The following STAG1 variants were observed in gnomAD, a reference collection of about 807,000 sequenced individuals.
STAG1 encodes cohesin subunit SA-1.
A neutral mutation model predicts 170.9 loss-of-function variants in STAG1; 26 were observed. The ratio of observed to expected loss-of-function variants is 0.15; its 90% confidence interval spans 0.11 to 0.21. The LOEUF is 0.21. STAG1 is among the 10% of genes least tolerant of loss of function. The probability of loss-of-function intolerance (pLI) is 1.00; values close to 1 mark genes in which losing one functional copy is unlikely to be tolerated. For missense variants in STAG1, 964 were observed against 1,509.5 expected (o/e 0.64, Z 5.99); for synonymous variants, 514 against 497.7 (o/e 1.03, Z -0.44).
chr3:136,642,838 T>C (rs1482069342), intron 1 of STAG1, among the ~76,000 whole-genome samples: 3 of 152,120 alleles, frequency 2.0e-5, no homozygotes, highest in African/African-American at 7.2e-5. Flanking sequence ...TAGGGGAGGA[T>C]CCTCCCTGGA....
At chr3:136,465,864 A>G (rs1010838926) in intron 12 of STAG1, among the ~76,000 whole-genome samples, 19 of 152,134 alleles carry the variant, frequency 1.2e-4, no homozygotes, top group African/African-American at 3.6e-4. Context: ...ATTAAACCCT[A>G]TAAGACCTAA....
chr3:136,591,779 G>A (rs777536678), intron 4 of STAG1, among the ~76,000 whole-genome samples: 80 of 152,272 alleles, frequency 5.3e-4, no homozygotes, highest in Non-Finnish European at 9.4e-4. Flanking sequence ...GAAAAGCACT[G>A]TTCCTCACAT....
intron 1 of STAG1, among the ~76,000 whole-genome samples, chr3:136,655,125 A>C (rs957985800): frequency 6.6e-6 from 1 of 152,208 alleles, no homozygotes; most frequent in Non-Finnish European, 1.5e-5. Context: ...CAAAAGAAAA[A>C]CAGGCAAACT....
intron 1 of STAG1, among the ~76,000 whole-genome samples, chr3:136,634,912 T>C (rs1290128636): frequency 2.0e-5 from 3 of 152,202 alleles, no homozygotes; most frequent in Non-Finnish European, 2.9e-5. Context: ...GACAAATTCC[T>C]AGAAATGCAC....
Position 136,650,236 on chromosome 3 carries a change from G to GAA in STAG1, c.-83-19257_-83-19256dup, listed in dbSNP as rs574918766. Among the ~76,000 whole-genome samples the GAA allele has an allele frequency of 3.8e-4, 23 of 60,018 alleles. No individual in the cohort carries two copies. In the South Asian group the frequency reaches 8.1e-3, roughly 21 times the overall value. 39.4% of individuals were successfully genotyped at this position (60,018 alleles called of 152,430 possible). On this transcript the variant is annotated intron_variant, in intron 1 of 33. Coordinates refer to ENST00000383202, the MANE Select transcript of STAG1 (RefSeq NM_005862.3). ...GGGTGACAAAGTGAGACCCTGTCAA[G>GAA]AAAAAAAAAAAAAAGAGAGAGAGAC...
intron 1 of STAG1, among the ~76,000 whole-genome samples, chr3:136,725,081 A>G (rs1933583282): frequency 6.6e-6 from 1 of 152,244 alleles, no homozygotes; most frequent in Non-Finnish European, 1.5e-5. Context: ...TTAAAGTATT[A>G]TAATTGCAAA....
chr3:136,688,774 A>G (rs1942624141), intron 1 of STAG1, among the ~76,000 whole-genome samples: 1 of 152,236 alleles, frequency 6.6e-6, no homozygotes, highest in African/African-American at 2.4e-5. Context: ...TGACTAAAAA[A>G]GCAGAGTGAC....
intron 7 of STAG1, chr3:136,517,974 G>C (rs957159750): frequency 1.3e-5 from 2 of 156,184 alleles, no homozygotes; most frequent in African/African-American, 2.4e-5. Flanking sequence ...TCTAAAAAGA[G>C]AGTTTACCTC....
chr3:136,344,232 G>A (rs1283353570), intron 29 of STAG1, among the ~76,000 whole-genome samples: 1 of 152,152 alleles, frequency 6.6e-6, no homozygotes, highest in Admixed American at 6.5e-5. Flanking sequence ...AAGTTGTAGG[G>A]ACTAAATGAG....
chr3:136,464,017 G>A (rs1190276956), intron 13 of STAG1, among the ~76,000 whole-genome samples: 1 of 150,774 alleles, frequency 6.6e-6, no homozygotes, highest in Non-Finnish European at 1.5e-5. Context: ...ATGTTTACAT[G>A]CATACACTCT....
At chr3:136,370,836 T>C (rs1937294224) in intron 23 of STAG1, among the ~76,000 whole-genome samples, 1 of 152,218 alleles carries the variant, frequency 6.6e-6, no homozygotes, top group Non-Finnish European at 1.5e-5. Flanking sequence ...TGCGTGTGTC[T>C]TTATAGCAGC....
At chr3:136,474,548 T>C (rs944612143) in intron 10 of STAG1, among the ~76,000 whole-genome samples, 1 of 152,218 alleles carries the variant, frequency 6.6e-6, no homozygotes, top group East Asian at 1.9e-4. Flanking sequence ...TTAATGTAAA[T>C]AGTGCCTTCA....
chr3:136,724,435 T>C (rs1423258762), intron 1 of STAG1, among the ~76,000 whole-genome samples: 1 of 151,428 alleles, frequency 6.6e-6, no homozygotes, highest in Non-Finnish European at 1.5e-5. Flanking sequence ...CACCACTCCC[T>C]AATCTCAAGT....
chr3:136,732,500 A>C (rs1934098443), intron 1 of STAG1, among the ~76,000 whole-genome samples: 1 of 152,176 alleles, frequency 6.6e-6, no homozygotes, highest in African/African-American at 2.4e-5. Flanking sequence ...TTTCTGAAGA[A>C]AGAAAAGGAG....
intron 22 of STAG1, among the ~76,000 whole-genome samples, chr3:136,395,682 C>T (rs1009902329): frequency 2.6e-5 from 4 of 152,104 alleles, no homozygotes; most frequent in Admixed American, 6.5e-5. Flanking sequence ...AATTAACTAT[C>T]AATTATGCTG....
rs1199782149 is a variant in STAG1, at chr3:136,446,669, C to G, written c.1429-3265G>C. Among the ~76,000 whole-genome samples, 6 of 152,014 alleles carry G rather than the reference C, an allele frequency of 3.9e-5. No homozygotes were observed. The South Asian group carries it at 1.2e-3, about 31-fold the overall frequency. On this transcript the variant is annotated intron_variant, in intron 14 of 33. Transcript: ENST00000383202. The stretch of plus-strand genomic sequence containing the variant: ...AACTCCTGACCTCAAGTGATCCACC[C>G]GCCTCATCCTCCCAAAGTGTTGGGA...
chr3:136,682,557 C>CA (rs1277804110), intron 1 of STAG1, among the ~76,000 whole-genome samples: 2 of 151,162 alleles, frequency 1.3e-5, no homozygotes, highest in Non-Finnish European at 2.9e-5. Context: ...TTGCAGGATA[C>CA]AAAAATTACC....
chr3:136,678,777 C>A (rs565185434), intron 1 of STAG1, among the ~76,000 whole-genome samples: 3 of 148,208 alleles, frequency 2.0e-5, no homozygotes, highest in South Asian at 2.1e-4. Flanking sequence ...CTTTGGAAGG[C>A]CAAGGTGGGA....
rs3066789 is a variant in STAG1 at position 136,705,378 on chromosome 3, A to AACAC, written c.-84+46813_-84+46816dup. ...AAGGAAAAATATCACATGATCATCA[A>AACAC]ACACACACACACACACACACACACA... On this transcript the variant is annotated intron_variant, in intron 1 of 33. Coordinates refer to ENST00000383202, the MANE Select transcript of STAG1 (RefSeq NM_005862.3). Among the ~76,000 whole-genome samples the AACAC allele has an allele frequency of 3.8e-3, 539 of 143,292 alleles. 3 individuals carry two copies. The highest frequency in any genetic ancestry group is 0.011 in the South Asian group (49 of 4,278). 94.0% of individuals were successfully genotyped at this position (143,292 alleles called of 152,430 possible).
Sources: allele counts gnomAD v4.1 joint callset (sites outside exome capture counted in the v4.1 genomes callset), GRCh38; gene constraint gnomAD v4.1.1; transcripts MANE v1.5; gene names NCBI Gene and HGNC (gene_info 2026-07-23, HGNC 2026-07-21).